NYAP2: variants seen among roughly 807,000 people sequenced by gnomAD.
NYAP2 encodes neuronal tyrosine-phosphorylated phosphoinositide-3-kinase adaptor 2.
Under a neutral mutation model 50.4 loss-of-function variants are expected in NYAP2, and 23 were observed. That is an observed-to-expected ratio of 0.46 (90% confidence interval 0.33 to 0.65). The LOEUF is 0.65. NYAP2 is among the 30% of genes least tolerant of loss of function. NYAP2 has a pLI of 0.02. For synonymous variants in NYAP2, 394 were observed against 365.2 expected, an observed-to-expected ratio of 1.08 and a Z score of -0.90; for missense variants, 885 against 861.0, an observed-to-expected ratio of 1.03 and a Z score of -0.35.
chr2:225,514,873 C>T (rs910600503), intron 4 of NYAP2, among the ~76,000 whole-genome samples: 3 of 152,112 alleles, frequency 2.0e-5, no homozygotes, highest in East Asian at 1.9e-4. Flanking sequence ...GTATATTTGC[C>T]GCAGAGAGCC....
chr2:225,455,570 TG>T (rs1689726925), intron 3 of NYAP2, among the ~76,000 whole-genome samples: 1 of 152,178 alleles, frequency 6.6e-6, no homozygotes, highest in Admixed American at 6.6e-5. Flanking sequence ...GAAATAAAAA[TG>T]TCCCTGATTT....
intron 3 of NYAP2, among the ~76,000 whole-genome samples, chr2:225,483,401 C>T (rs919217893): frequency 6.6e-6 from 1 of 152,064 alleles, no homozygotes; most frequent in African/African-American, 2.4e-5. Context: ...CATCACCATC[C>T]AAAATCCCTG....
At position 225,629,720 on chromosome 2, in the gene NYAP2, G is replaced by A. The variant is rs142634189; in HGVS notation, c.1828+2594G>A. On this transcript the variant is annotated intron_variant, in intron 6 of 6. Transcript: ENST00000636099. ...TATGTATGAAGAGGCAAAACTCAAC[G>A]GGCATCTGGCTTTATGAGAACCCAC... Among the ~76,000 whole-genome samples, 283 of 152,168 alleles carry A rather than the reference G, an allele frequency of 1.9e-3. 1 individual carries two copies. Among genetic ancestry groups the A allele is most frequent in the African/African-American group, 6.2e-3 (256 of 41,508 alleles).
intron 4 of NYAP2, among the ~76,000 whole-genome samples, chr2:225,532,712 C>T (rs1440055285): frequency 1.3e-5 from 2 of 151,634 alleles, no homozygotes; most frequent in Non-Finnish European, 2.9e-5. Context: ...GGTCTCTAAC[C>T]CTATAGCATA....
At chr2:225,477,880 A>C (rs1312587072) in intron 3 of NYAP2, among the ~76,000 whole-genome samples, 1 of 152,158 alleles carries the variant, frequency 6.6e-6, no homozygotes, top group East Asian at 1.9e-4. Flanking sequence ...AGGAGAAAAA[A>C]TGGGAGTTGG....
At chr2:225,628,151 T>C (rs1693242458) in intron 6 of NYAP2, among the ~76,000 whole-genome samples, 1 of 152,164 alleles carries the variant, frequency 6.6e-6, no homozygotes, top group Non-Finnish European at 1.5e-5. Flanking sequence ...GGTAGAGCCA[T>C]AGCACATATG....
the NYAP2 span, among the ~76,000 whole-genome samples, chr2:225,662,347 T>G: frequency 6.6e-6 from 1 of 152,250 alleles, no homozygotes. Context: ...TATTAACACT[T>G]GAGCACATCG....
chr2:225,496,290 G>A (rs943621449), intron 3 of NYAP2, among the ~76,000 whole-genome samples: 1 of 152,106 alleles, frequency 6.6e-6, no homozygotes, highest in African/African-American at 2.4e-5. Flanking sequence ...GGCCCTGAGT[G>A]TGGTGGCTAT....
chr2:225,403,812 G>C (rs188161637), intron 2 of NYAP2, among the ~76,000 whole-genome samples: 38 of 152,126 alleles, frequency 2.5e-4, no homozygotes, highest in African/African-American at 8.4e-4. Flanking sequence ...GGTAAATGGA[G>C]ATAAATTGCC....
intron 3 of NYAP2, among the ~76,000 whole-genome samples, chr2:225,477,351 C>T (rs1690132017): frequency 6.6e-6 from 1 of 150,952 alleles, no homozygotes; most frequent in South Asian, 2.1e-4. Flanking sequence ...ATTCTCCTGC[C>T]TCAGCCTCCC....
chr2:225,703,642 A>G, the NYAP2 span: 1 of 151,854 alleles, frequency 6.6e-6, no homozygotes, highest in Non-Finnish European at 1.5e-5. Flanking sequence ...AATAAAAGCA[A>G]TAGTTTAAAT....
the NYAP2 span, among the ~76,000 whole-genome samples, chr2:225,676,232 A>AG: frequency 6.6e-6 from 1 of 152,110 alleles, no homozygotes; most frequent in Non-Finnish European, 1.5e-5. Context: ...CACAAAACCT[A>AG]GGTTGAGAAG....
intron 4 of NYAP2, among the ~76,000 whole-genome samples, chr2:225,521,350 C>A (rs1474748550): frequency 6.6e-6 from 1 of 151,310 alleles, no homozygotes; most frequent in African/African-American, 2.4e-5. Flanking sequence ...CTGTCTTGTG[C>A]CAGTTTTCAA....
intron 3 of NYAP2, among the ~76,000 whole-genome samples, chr2:225,489,324 G>T (rs1181703071): frequency 6.6e-6 from 1 of 151,972 alleles, no homozygotes; most frequent in African/African-American, 2.4e-5. Flanking sequence ...CTCCCGAGTA[G>T]CTGGGATTAC....
intron 3 of NYAP2, among the ~76,000 whole-genome samples, chr2:225,420,784 T>G (rs996056549): frequency 4.2e-4 from 63 of 151,644 alleles, no homozygotes; most frequent in African/African-American, 1.5e-3. Flanking sequence ...CTAATTTTTG[T>G]ATTTCCTTTT....
chr2:225,566,915 A>ATGTGTGTG (rs770779216), intron 4 of NYAP2, among the ~76,000 whole-genome samples: 1 of 150,418 alleles, frequency 6.6e-6, no homozygotes, highest in Non-Finnish European at 1.5e-5. Context: ...TTACAGTAAT[A>ATGTGTGTG]TGTGTGTGTG....
At chr2:225,629,766 T>C (rs1237588173) in intron 6 of NYAP2, among the ~76,000 whole-genome samples, 1 of 152,084 alleles carries the variant, frequency 6.6e-6, no homozygotes, top group African/African-American at 2.4e-5. Flanking sequence ...ACCAGTCTAG[T>C]CTCACCAAAG....
At position 225,422,326 on chromosome 2, in the gene NYAP2, G is replaced by A. The variant is rs186806087; in HGVS notation, c.221+13225G>A. Among the ~76,000 whole-genome samples the A allele has an allele frequency of 1.7e-4, 26 of 152,286 alleles. 1 individual carries two copies. Among genetic ancestry groups the A allele is most frequent in the African/African-American group, 5.8e-4 (24 of 41,542 alleles). On this transcript the variant is annotated intron_variant, in intron 3 of 6. Transcript: ENST00000636099. ...TGAAGCTGTGCAATCAATCTGCCAT[G>A]TGCATTAGTGATGTCTAGTCCAATT...
intron 6 of NYAP2, among the ~76,000 whole-genome samples, chr2:225,640,711 G>A (rs1001632977): frequency 2.0e-5 from 3 of 152,014 alleles, no homozygotes; most frequent in Non-Finnish European, 2.9e-5. Flanking sequence ...GGCTACTTAC[G>A]GGTTTTAAAC....
Sources: allele counts gnomAD v4.1 joint callset (sites outside exome capture counted in the v4.1 genomes callset), GRCh38; gene constraint gnomAD v4.1.1; transcripts MANE v1.5; gene names NCBI Gene and HGNC (gene_info 2026-07-23, HGNC 2026-07-21).